Variants in CEP89 observed in about 807,000 individuals in gnomAD.
The protein encoded by CEP89 is centrosomal protein of 89 kDa.
A neutral mutation model predicts 97.6 loss-of-function variants in CEP89; 95 were observed. That is an observed-to-expected ratio of 0.97 (90% CI 0.82 to 1.15). The LOEUF is 1.15. Among genes scored for constraint, CEP89 ranks in the 50% most tolerant of loss-of-function variants. The pLI is 0.00. For missense variants in CEP89, 869 were observed against 947.7 expected (o/e 0.92, Z 1.09); for synonymous variants, 354 against 349.1 (o/e 1.01, Z -0.16).
At chr19:32,952,903 CAAA>C (rs34455504) in intron 4 of CEP89, among the ~76,000 whole-genome samples, 1 of 48,784 alleles carries the variant, frequency 2.0e-5, no homozygotes, top group Non-Finnish European at 3.5e-5. Flanking sequence ...GACTCTGTCT[CAAA>C]AAAAAAAAAA....
chr19:32,951,534 T>TATATATATATATATATACACAC (rs1407110112), intron 4 of CEP89, among the ~76,000 whole-genome samples: 117 of 121,956 alleles, frequency 9.6e-4, no homozygotes, highest in African/African-American at 3.9e-3. Flanking sequence ...TATATATATA[T>TATATATATATATATATACACAC]ACACACACAC....
chr19:32,919,533 C>T (rs1175329205), intron 12 of CEP89, among the ~76,000 whole-genome samples: 1 of 152,206 alleles, frequency 6.6e-6, no homozygotes, highest in Admixed American at 6.5e-5. Flanking sequence ...TGTGGGGGTG[C>T]CTCTTGCCTG....
chr19:32,949,793 C>A (rs1204609135), intron 4 of CEP89, among the ~76,000 whole-genome samples: 1 of 152,040 alleles, frequency 6.6e-6, no homozygotes, highest in Non-Finnish European at 1.5e-5. Flanking sequence ...TTTGGCTTAG[C>A]TGGGCTGCAC....
chr19:32,932,818 C>T lies in CEP89; in HGVS notation c.886+633G>A, dbSNP rs1235050243. 5.3e-5 allele frequency among the ~76,000 whole-genome samples: 8 copies of T among 151,790 alleles called. No individual in the cohort carries two copies. The East Asian group carries it at 1.6e-3, about 29-fold the overall frequency. ...AAAAAAACTTAGCCAGGCATGATGG[C>T]GTTTGCCTTTAGTCCCAGCTACTCA... On this transcript the variant is annotated intron_variant, in intron 8 of 18. Transcript: ENST00000305768.
intron 9 of CEP89, among the ~76,000 whole-genome samples, 173 bp from the exon 10 acceptor site, chr19:32,927,157 CATCCATCT>C (rs1182285725): frequency 9.2e-5 from 14 of 151,774 alleles, no homozygotes; most frequent in Non-Finnish European, 1.6e-4. Context: ...TCCATCCATC[CATCCATCT>C]ATCCATCCAT....
chr19:32,933,565 TAAGGC>T lies in CEP89; in HGVS notation c.767_771del (p.Ser256AsnfsTer3). On this transcript the variant is annotated frameshift_variant, in exon 8 of 19. Coordinates refer to ENST00000305768, the MANE Select transcript of CEP89 (RefSeq NM_032816.5). LOFTEE classifies it high-confidence loss of function. Reference sequence around the variant, plus strand: ...TGTTTCATTGTGTTTAGTTCAAGGGTAAGGCTTTGATTCATATTGTTTAGGTCCAT... The same window carrying T: ...TGTTTCATTGTGTTTAGTTCAAGGGTTTTGATTCATATTGTTTAGGTCCAT... 6.2e-7 allele frequency: 1 copy of T among 1,612,494 alleles called. No individual in the cohort carries two copies. Among genetic ancestry groups the T allele is most frequent in the Non-Finnish European group, 8.5e-7 (1 of 1,178,508 alleles).
intron 17 of CEP89, among the ~76,000 whole-genome samples, chr19:32,882,900 C>G (rs1969313997): frequency 6.6e-6 from 1 of 151,982 alleles, no homozygotes; most frequent in African/African-American, 2.4e-5. Flanking sequence ...GCTCTGTGGC[C>G]CAGGCTGGAG....
At chr19:32,879,494 C>T (rs562566101) in intron 18 of CEP89, 116 bp from the exon 19 acceptor site, 20 of 824,972 alleles carry the variant, frequency 2.4e-5, no homozygotes, top group African/African-American at 1.9e-4. Flanking sequence ...ACAGAGCCCT[C>T]GGTGCCTGGG....
At chr19:32,914,254 T>C (rs1970073245) in intron 14 of CEP89, among the ~76,000 whole-genome samples, 1 of 152,186 alleles carries the variant, frequency 6.6e-6, no homozygotes, top group African/African-American at 2.4e-5. Flanking sequence ...TCCTTATTAC[T>C]GGATATCTAG....
At chr19:32,961,134 C>T (rs1024681352) in intron 2 of CEP89, among the ~76,000 whole-genome samples, 4 of 152,124 alleles carry the variant, frequency 2.6e-5, no homozygotes, top group African/African-American at 9.7e-5. Context: ...CAGCCCAAGA[C>T]GGCAGCTGCT....
chr19:32,881,284 G>A (rs2145865042), intron 18 of CEP89, among the ~76,000 whole-genome samples: 1 of 151,962 alleles, frequency 6.6e-6, no homozygotes, highest in East Asian at 1.9e-4. Context: ...CTGGGCAACA[G>A]AGCCAGACCC....
At chr19:32,969,964 G>C (rs73579742) in intron 1 of CEP89, 1 of 152,258 alleles carries the variant, frequency 6.6e-6, no homozygotes, top group African/African-American at 2.4e-5. Context: ...TCCATGAAGT[G>C]TGCAGCCCTA....
chr19:32,953,942 C>T, intron 3 of CEP89, 141 bp from the exon 4 acceptor site: 2 of 601,104 alleles, frequency 3.3e-6, no homozygotes, highest in Non-Finnish European at 2.8e-6. Context: ...AATCTCGGCT[C>T]ACTGCAAGCT....
chr19:32,948,184 GT>G, intron 5 of CEP89, 81 bp downstream of exon 5: 1 of 698,432 alleles, frequency 1.4e-6, no homozygotes, highest in Non-Finnish European at 2.4e-6. Flanking sequence ...GGGGCAATGG[GT>G]ATGTTTTCCT....
Position 32,887,732 on chromosome 19 carries a change from G to T in CEP89, c.1965+20C>A. 6.6e-7 allele frequency: 1 copy of T among 1,510,036 alleles called. No individual in the cohort carries two copies. Among genetic ancestry groups the T allele is most frequent in the Non-Finnish European group, 9.2e-7 (1 of 1,086,986 alleles). The allele number at this position is 1,510,036 out of a possible 1,614,324, so 93.5% of individuals were successfully genotyped here. The stretch of plus-strand genomic sequence containing the variant: ...ATTCCCATCTGAAAATGAAATCTCT[G>T]AGGCCAAATAACCACTTACCTTGAC... On this transcript the variant is annotated intron_variant, in intron 17 of 18. Transcript: ENST00000305768.
At chr19:32,968,552 A>G (rs1971332736) in intron 1 of CEP89, among the ~76,000 whole-genome samples, 1 of 152,180 alleles carries the variant, frequency 6.6e-6, no homozygotes, top group Non-Finnish European at 1.5e-5. Flanking sequence ...CTGGCCAGAA[A>G]AGGTTTTCTT....
At chr19:32,911,271 C>T (rs1339444626) in intron 14 of CEP89, among the ~76,000 whole-genome samples, 3 of 152,224 alleles carry the variant, frequency 2.0e-5, no homozygotes, top group African/African-American at 7.2e-5. Flanking sequence ...GCCACAAAAA[C>T]ACATTGGTCG....
chr19:32,920,782 C>T (rs1214986826), intron 12 of CEP89, among the ~76,000 whole-genome samples: 1 of 152,160 alleles, frequency 6.6e-6, no homozygotes, highest in Non-Finnish European at 1.5e-5. Flanking sequence ...CTGTGCCCAG[C>T]CTCCCTCTTA....
rs1375266925 is a variant in CEP89, at chr19:32,917,719, G to A, written c.1384+505C>T. The A allele has an allele frequency of 8.8e-6, 7 of 796,598 alleles. No individual in the cohort carries two copies. The African/African-American group carries it at 9.4e-5, about 11-fold the overall frequency. The allele number at this position is 796,598 out of a possible 1,614,324, so 49.3% of individuals were successfully genotyped here. On this transcript the variant is annotated intron_variant, in intron 13 of 18. Transcript: ENST00000305768. The stretch of plus-strand genomic sequence containing the variant: ...ACTATGAGGCTCCTAGGGGTTGGGG[G>A]AATGCATGGGAAGAGATGGGAAGAG...
Sources: allele counts gnomAD v4.1 joint callset (sites outside exome capture counted in the v4.1 genomes callset), GRCh38; gene constraint gnomAD v4.1.1; transcripts MANE v1.5; gene names NCBI Gene and HGNC (gene_info 2026-07-23, HGNC 2026-07-21).